ZFPM1: variants seen among roughly 807,000 people sequenced by gnomAD.
The protein encoded by ZFPM1 is zinc finger protein ZFPM1.
In ZFPM1, 28 loss-of-function variants were observed where a neutral mutation model predicts 46.3. That is an observed-to-expected ratio of 0.60 (90% confidence interval 0.45 to 0.83). The LOEUF (loss-of-function observed/expected upper bound fraction) is 0.83. ZFPM1 is among the 40% of genes least tolerant of loss of function. The probability of loss-of-function intolerance (pLI) is 0.00; values close to 1 mark genes in which losing one functional copy is unlikely to be tolerated. For missense variants in ZFPM1, 1,878 were observed against 1,432.4 expected, an observed-to-expected ratio of 1.31 and a Z score of -5.02; for synonymous variants, 957 against 675.9, an observed-to-expected ratio of 1.42 and a Z score of -6.45.
chr16:88,490,618 G>C (rs933411273), intron 3 of ZFPM1, among the ~76,000 whole-genome samples: 5 of 152,224 alleles, frequency 3.3e-5, no homozygotes, highest in Non-Finnish European at 5.9e-5. Flanking sequence ...GTGCCCGCCG[G>C]TGCAAGTAGG....
At chr16:88,527,062 T>C in intron 5 of ZFPM1, 146 bp downstream of exon 5, 1 of 1,309,726 alleles carries the variant, frequency 7.6e-7, no homozygotes, top group Non-Finnish European at 1.0e-6. Flanking sequence ...CGCTGCAGCA[T>C]GAGGCAGACA....
intron 1 of ZFPM1, among the ~76,000 whole-genome samples, chr16:88,455,608 G>A (rs1380560377): frequency 2.0e-5 from 3 of 150,784 alleles, no homozygotes; most frequent in African/African-American, 7.3e-5. Context: ...GGAGGGGGCC[G>A]AGCGCTTCGG....
At position 88,535,106 on chromosome 16, in the gene ZFPM1, G is replaced by T; in HGVS notation, c.*127G>T. ...CGCACAGGCCTCGGCGGAGGGGGCC[G>T]CAGGGGGCAGCGCCCGCCTGGACCC... On this transcript the variant is annotated 3_prime_UTR_variant, in exon 10 of 10. Transcript: ENST00000319555. 1 of 1,178,806 alleles carries T rather than the reference G, an allele frequency of 8.5e-7. No homozygotes were observed. The highest frequency in any genetic ancestry group is 1.1e-6 in the Non-Finnish European group (1 of 912,016). 73.0% of individuals were successfully genotyped at this position (1,178,806 alleles called of 1,614,324 possible).
At position 88,514,429 on chromosome 16, in the gene ZFPM1, G is replaced by A. The variant is rs750131028; in HGVS notation, c.311G>A (p.Arg104Gln). ...GTGCAGGATGGGCAGAGGCGCATAC[G>A]GGCCCGACTCAGCCTCGCCACGGGC... ...PVVQDGQRRI[R>Q]ARLSLATGLS... The change falls in exon 4 of 10, where the codon CGG becomes CAG. Residue 104 changes from arginine to glutamine, a missense_variant. Transcript: ENST00000319555. The A allele has an allele frequency of 1.1e-5, 17 of 1,559,740 alleles. No homozygotes were observed. Among genetic ancestry groups the A allele is most frequent in the Middle Eastern group, 1.7e-4 (1 of 6,018 alleles).
intron 3 of ZFPM1, among the ~76,000 whole-genome samples, chr16:88,494,296 G>A (rs936943767): frequency 2.0e-5 from 3 of 152,162 alleles, no homozygotes; most frequent in African/African-American, 7.2e-5. Flanking sequence ...TCCCCCGTCG[G>A]TGGCAGTCAC....
At chr16:88,487,886 G>A (rs534704431) in intron 2 of ZFPM1, among the ~76,000 whole-genome samples, 68 of 152,304 alleles carry the variant, frequency 4.5e-4, no homozygotes, top group Admixed American at 1.1e-3. Context: ...AGGTGCAGGC[G>A]TCCAGCCCAG....
chr16:88,488,974 G>T, intron 2 of ZFPM1, 57 bp from the exon 3 acceptor site: 6 of 1,566,274 alleles, frequency 3.8e-6, no homozygotes, highest in Non-Finnish European at 5.2e-6. Context: ...GCTACAGGGA[G>T]GGGCAGCTCA....
Position 88,532,029 on chromosome 16 carries a change from G to A in ZFPM1, c.740G>A (p.Gly247Asp), listed in dbSNP as rs1198765867. The A allele has an allele frequency of 6.2e-7, 1 of 1,609,574 alleles. No individual in the cohort carries two copies. The highest frequency in any genetic ancestry group is 1.3e-5 in the African/African-American group (1 of 74,866). ...NKDVFPCKDC[G>D]IWYRSERNLQ... Reference sequence around the variant, plus strand: ...GACGTCTTCCCCTGCAAGGACTGTGGCATCTGGTACCGCAGCGAGCGCAAC... The same window carrying A: ...GACGTCTTCCCCTGCAAGGACTGTGACATCTGGTACCGCAGCGAGCGCAAC... Residue 247 changes from glycine (G) to aspartate (D), a missense_variant, in exon 7 of 10, where the codon GGC becomes GAC. Gly to Asp is a moderately conservative substitution (Grantham distance 94). Transcript: ENST00000319555.
chr16:88,487,277 G>A (rs541041363), intron 2 of ZFPM1, among the ~76,000 whole-genome samples: 19 of 152,254 alleles, frequency 1.2e-4, no homozygotes, highest in Non-Finnish European at 2.4e-4. Context: ...GCTCCACCCA[G>A]CTCCCCCACA....
At chr16:88,452,678 C>A (rs547963122), upstream of ZFPM1, among the ~76,000 whole-genome samples, 32 of 152,402 alleles carry the variant, frequency 2.1e-4, no homozygotes, top group Non-Finnish European at 3.4e-4. Flanking sequence ...CTGCCCCCAC[C>A]GCGCACGTGG....
intron 4 of ZFPM1, among the ~76,000 whole-genome samples, chr16:88,523,083 G>A (rs1912024486): frequency 6.6e-6 from 1 of 152,094 alleles, no homozygotes; most frequent in Admixed American, 6.5e-5. Context: ...GTGCTTGCCT[G>A]TAATCCCAGC....
chr16:88,527,681 C>T (rs1204946859), intron 5 of ZFPM1, among the ~76,000 whole-genome samples: 2 of 151,954 alleles, frequency 1.3e-5, no homozygotes, highest in Non-Finnish European at 2.9e-5. Context: ...TCCTGGAGAG[C>T]CGGGTCCACT....
intron 3 of ZFPM1, among the ~76,000 whole-genome samples, chr16:88,492,889 G>C (rs1483490615): frequency 6.6e-6 from 1 of 152,208 alleles, no homozygotes; most frequent in African/African-American, 2.4e-5. Context: ...ACATAAGTGA[G>C]TTCCTGGGCA....
chr16:88,467,821 C>T (rs1908207163), intron 1 of ZFPM1, among the ~76,000 whole-genome samples: 1 of 152,082 alleles, frequency 6.6e-6, no homozygotes, highest in Admixed American at 6.5e-5. Context: ...TACCACCCTA[C>T]AACGAAAAAG....
intron 1 of ZFPM1, among the ~76,000 whole-genome samples, chr16:88,468,299 T>C (rs1265530022): frequency 6.6e-6 from 1 of 152,088 alleles, no homozygotes; most frequent in Non-Finnish European, 1.5e-5. Flanking sequence ...CCACCAGATC[T>C]AGAGGGAGAG....
intron 1 of ZFPM1, among the ~76,000 whole-genome samples, chr16:88,468,185 C>G (rs1165821055): frequency 1.4e-5 from 2 of 143,612 alleles, no homozygotes; most frequent in African/African-American, 5.2e-5. Flanking sequence ...GACGCACCCG[C>G]GAGCCCACCG....
At position 88,467,418 on chromosome 16, in the gene ZFPM1, C is replaced by T. The variant is rs975587590; in HGVS notation, c.40+13740C>T. On this transcript the variant is annotated intron_variant, in intron 1 of 9. Coordinates refer to ENST00000319555, the MANE Select transcript of ZFPM1 (RefSeq NM_153813.3). ...CCTGAGGTCTCCCCACCCCTCCCAG[C>T]GGTGCCCACCCAGGGCTTCTCGAGG... Among the ~76,000 whole-genome samples, 5 of 152,332 alleles carry T rather than the reference C, an allele frequency of 3.3e-5. No homozygotes were observed. The East Asian group carries it at 5.8e-4, about 18-fold the overall frequency.
chr16:88,487,447 G>A (rs964505660), intron 2 of ZFPM1, among the ~76,000 whole-genome samples: 2 of 152,224 alleles, frequency 1.3e-5, no homozygotes. Context: ...TGGGGTGGAG[G>A]AGAGATGGAT....
chr16:88,452,427 C>A (rs76489760), upstream of ZFPM1, among the ~76,000 whole-genome samples: 43 of 152,290 alleles, frequency 2.8e-4, no homozygotes, highest in East Asian at 8.1e-3. Flanking sequence ...CCTGGAGAGG[C>A]TCGGTGAGGA....
Sources: allele counts gnomAD v4.1 joint callset (sites outside exome capture counted in the v4.1 genomes callset), GRCh38; gene constraint gnomAD v4.1.1; transcripts MANE v1.5; gene names NCBI Gene and HGNC (gene_info 2026-07-23, HGNC 2026-07-21).